Variants in NCOA2 observed in about 807,000 individuals in gnomAD.
NCOA2 encodes the protein class E basic helix-loop-helix protein 75.
A neutral mutation model predicts 145.1 loss-of-function variants in NCOA2; 21 were observed. The observed-to-expected ratio is 0.14, with a 90% confidence interval of 0.10 to 0.21. The LOEUF is 0.21. Ranked by LOEUF, NCOA2 falls within the 10% of genes least tolerant of loss-of-function variation. The pLI is 1.00. For synonymous variants in NCOA2, 619 were observed against 637.5 expected, an observed-to-expected ratio of 0.97 and a Z score of 0.44; for missense variants, 1,472 against 1,837.6, an observed-to-expected ratio of 0.80 and a Z score of 3.64.
chr8:70,283,498 C>T (rs1023906864), intron 2 of NCOA2, among the ~76,000 whole-genome samples: 1 of 152,116 alleles, frequency 6.6e-6, no homozygotes, highest in Admixed American at 6.5e-5. Flanking sequence ...GGTGAATTAC[C>T]GACTCACTGA....
chr8:70,389,866 A>G (rs530676216), intron 1 of NCOA2, among the ~76,000 whole-genome samples: 16 of 151,206 alleles, frequency 1.1e-4, no homozygotes, highest in Admixed American at 6.6e-5. Context: ...GGGTTTCACC[A>G]TGTTGGGTGG....
chr8:70,418,312 G>A, the NCOA2 span, among the ~76,000 whole-genome samples: 1 of 152,082 alleles, frequency 6.6e-6, no homozygotes, highest in East Asian at 1.9e-4. Flanking sequence ...AGGATGGTGG[G>A]GAACATGGTA....
intron 1 of NCOA2, among the ~76,000 whole-genome samples, chr8:70,351,243 C>T (rs979860380): frequency 1.1e-4 from 17 of 152,184 alleles, no homozygotes; most frequent in African/African-American, 4.1e-4. Context: ...CGACAACCTA[C>T]CTTTATATGA....
chr8:70,165,877 T>C (rs1813557556), intron 7 of NCOA2, among the ~76,000 whole-genome samples: 2 of 152,326 alleles, frequency 1.3e-5, no homozygotes, highest in Admixed American at 1.3e-4. Context: ...TGGAGTGCAA[T>C]GGCGTGATCT....
intron 2 of NCOA2, among the ~76,000 whole-genome samples, chr8:70,254,684 A>T (rs1162364471): frequency 1.3e-4 from 1 of 7,950 alleles, no homozygotes; most frequent in African/African-American, 5.2e-4. Context: ...GGTGGTTACC[A>T]GGGGCGGGCG....
At chr8:70,369,203 T>TA (rs1363594273) in intron 1 of NCOA2, among the ~76,000 whole-genome samples, 17 of 152,200 alleles carry the variant, frequency 1.1e-4, no homozygotes, top group Admixed American at 1.1e-3. Context: ...TGACGTAGTC[T>TA]AAAAAATTCC....
intron 2 of NCOA2, among the ~76,000 whole-genome samples, chr8:70,257,582 C>CGG (rs1274632143): frequency 1.3e-5 from 2 of 152,202 alleles, no homozygotes; most frequent in Non-Finnish European, 2.9e-5. Flanking sequence ...ATGGGGCCGT[C>CGG]GGGGCCTCCC....
intron 13 of NCOA2, among the ~76,000 whole-genome samples, chr8:70,143,035 C>T (rs1023815966): frequency 5.3e-5 from 8 of 151,364 alleles, no homozygotes; most frequent in Admixed American, 2.0e-4. Context: ...CTACAACCTC[C>T]GCCTCCTGGG....
intron 2 of NCOA2, among the ~76,000 whole-genome samples, chr8:70,270,657 C>A (rs939862839): frequency 2.0e-5 from 3 of 152,052 alleles, no homozygotes; most frequent in African/African-American, 7.2e-5. Flanking sequence ...AAGTAAAAAA[C>A]CATAAAAAAA....
At chr8:70,159,242 A>ATATTTTTTTTTTTTTTT in intron 10 of NCOA2, among the ~76,000 whole-genome samples, 1 of 61,078 alleles carries the variant, frequency 1.6e-5, no homozygotes, top group African/African-American at 5.4e-5. Flanking sequence ...ATATATATAT[A>ATATTTTTTTTTTTTTTT]TTTTTTTTTT....
the NCOA2 span, among the ~76,000 whole-genome samples, chr8:70,431,360 C>T: frequency 6.6e-6 from 1 of 152,112 alleles, no homozygotes; most frequent in African/African-American, 2.4e-5. Context: ...ATAAACAGCA[C>T]ATTTTTCATT....
At chr8:70,441,294 AAAG>A in the NCOA2 span, among the ~76,000 whole-genome samples, 2 of 150,676 alleles carry the variant, frequency 1.3e-5, no homozygotes, top group African/African-American at 2.4e-5. Context: ...AAAAGGAAGA[AAAG>A]AAAGAAAAGA....
At chr8:70,442,119 G>GA in the NCOA2 span, among the ~76,000 whole-genome samples, 1 of 89,622 alleles carries the variant, frequency 1.1e-5, no homozygotes, top group African/African-American at 5.4e-5. Flanking sequence ...AAAGAAAGAA[G>GA]AAAGAAAGAA....
intron 4 of NCOA2, among the ~76,000 whole-genome samples, chr8:70,193,626 A>C (rs531755115): frequency 6.6e-6 from 1 of 152,236 alleles, no homozygotes; most frequent in Non-Finnish European, 1.5e-5. Context: ...AAAAGCTTTT[A>C]AGAAGTTGAG....
At position 70,170,395 on chromosome 8, in the gene NCOA2, C is replaced by T. The variant is rs1252296978; in HGVS notation, c.364-16G>A. The T allele has an allele frequency of 6.4e-6, 10 of 1,553,492 alleles. No individual in the cohort carries two copies. The highest frequency in any genetic ancestry group is 7.8e-6 in the Non-Finnish European group (9 of 1,148,630). On this transcript the variant is annotated splice_polypyrimidine_tract_variant and intron_variant, in intron 5 of 22. Transcript: ENST00000452400. ...CATCAAGGGCCTAGGGAACAAAGTA[C>T]AAATTGTGTTAGAAAGGATGCAACA... is the stretch of plus-strand genomic sequence containing the variant.
intron 1 of NCOA2, among the ~76,000 whole-genome samples, chr8:70,398,821 T>C (rs1304455352): frequency 6.6e-6 from 1 of 152,186 alleles, no homozygotes. Flanking sequence ...ATTTCCACAA[T>C]TGCATTATGT....
At chr8:70,328,769 A>G (rs1388908601) in intron 1 of NCOA2, among the ~76,000 whole-genome samples, 1 of 152,212 alleles carries the variant, frequency 6.6e-6, no homozygotes, top group Non-Finnish European at 1.5e-5. Flanking sequence ...ACCTTACCAG[A>G]ATAAATAAAA....
At chr8:70,197,674 T>C (rs963316784) in intron 4 of NCOA2, among the ~76,000 whole-genome samples, 2 of 152,224 alleles carry the variant, frequency 1.3e-5, no homozygotes, top group African/African-American at 4.8e-5. Context: ...CCCTGGTCAT[T>C]TGGTCATTTC....
intron 6 of NCOA2, among the ~76,000 whole-genome samples, chr8:70,167,750 CAATGA>C (rs1468097941): frequency 6.6e-6 from 1 of 151,896 alleles, no homozygotes; most frequent in Admixed American, 6.6e-5. Context: ...AAGAATGAGA[CAATGA>C]AAGAGAGGAA....
Sources: allele counts gnomAD v4.1 joint callset (sites outside exome capture counted in the v4.1 genomes callset), GRCh38; gene constraint gnomAD v4.1.1; transcripts MANE v1.5; gene names NCBI Gene and HGNC (gene_info 2026-07-23, HGNC 2026-07-21).